Variants in CA10 observed in about 807,000 individuals in gnomAD.
The protein encoded by CA10 is carbonic anhydrase-related protein 10.
Under a neutral mutation model 44.2 loss-of-function variants are expected in CA10, and 14 were observed. The ratio of observed to expected loss-of-function variants is 0.32; its 90% confidence interval spans 0.21 to 0.50. CA10 has a LOEUF of 0.50. Among genes scored for constraint, CA10 ranks in the 20% least tolerant of loss-of-function variants. The pLI is 0.99. For missense variants in CA10, 350 were observed against 409.7 expected (o/e 0.85, Z 1.26); for synonymous variants, 159 against 141.6 (o/e 1.12, Z -0.87).
At chr17:52,014,052 CA>C (rs1174253501) in intron 2 of CA10, among the ~76,000 whole-genome samples, 1 of 151,696 alleles carries the variant, frequency 6.6e-6, no homozygotes, top group Non-Finnish European at 1.5e-5. Flanking sequence ...GAAGTATGAC[CA>C]AATATACCAG....
chr17:52,131,565 T>C (rs1434623094), intron 1 of CA10, among the ~76,000 whole-genome samples: 1 of 152,192 alleles, frequency 6.6e-6, no homozygotes, highest in Admixed American at 6.5e-5. Flanking sequence ...TTATAATTAA[T>C]AAAGAAGTCC....
intron 3 of CA10, among the ~76,000 whole-genome samples, chr17:51,759,344 T>C (rs1905156193): frequency 7.0e-6 from 1 of 142,882 alleles, no homozygotes; most frequent in Non-Finnish European, 1.5e-5. Flanking sequence ...TTGGGTTGAG[T>C]ACACTTCTTT....
intron 2 of CA10, among the ~76,000 whole-genome samples, chr17:52,048,953 T>A (rs1986986885): frequency 6.6e-6 from 1 of 151,400 alleles, no homozygotes; most frequent in African/African-American, 2.4e-5. Context: ...TAAAAAATGA[T>A]TGAAGAAAAT....
At chr17:52,146,826 G>T (rs189656729) in intron 1 of CA10, among the ~76,000 whole-genome samples, 4 of 152,080 alleles carry the variant, frequency 2.6e-5, no homozygotes, top group Non-Finnish European at 5.9e-5. Context: ...TCCCCATCTG[G>T]TGATGTTGAT....
rs74615550 is a variant in CA10 at position 52,147,418 on chromosome 17, T to C, written c.61+10308A>G. 7.1e-3 allele frequency among the ~76,000 whole-genome samples: 1,082 copies of C among 152,158 alleles called. 5 individuals carry two copies. The highest frequency in any genetic ancestry group is 0.025 in the African/African-American group (1,039 of 41,506). On this transcript the variant is annotated intron_variant, in intron 1 of 8. Coordinates refer to ENST00000451037, the MANE Select transcript of CA10 (RefSeq NM_020178.5). ...CATTCATGAAGTTGTTCAACTTGTC[T>C]TTGGATGTGGCACATTATATGCCTT... is the stretch of plus-strand genomic sequence containing the variant.
chr17:52,111,397 T>C (rs926792752), intron 1 of CA10, among the ~76,000 whole-genome samples: 3 of 152,336 alleles, frequency 2.0e-5, no homozygotes, highest in Admixed American at 6.5e-5. Context: ...TTTCCAAGCA[T>C]GTAAGTGACA....
intron 3 of CA10, among the ~76,000 whole-genome samples, chr17:51,810,328 G>A (rs1237633047): frequency 1.3e-5 from 2 of 152,194 alleles, no homozygotes. Flanking sequence ...AATATTTATT[G>A]AGTTAATTAA....
chr17:52,092,362 CA>C (rs1406686661), intron 1 of CA10, among the ~76,000 whole-genome samples: 1 of 152,080 alleles, frequency 6.6e-6, no homozygotes, highest in Non-Finnish European at 1.5e-5. Flanking sequence ...AAGAAAAAAC[CA>C]AAAACTTTTC....
chr17:51,965,451 A>T (rs963905276), intron 2 of CA10, among the ~76,000 whole-genome samples: 3 of 151,768 alleles, frequency 2.0e-5, no homozygotes, highest in African/African-American at 7.3e-5. Flanking sequence ...TAGACACAAA[A>T]ATCCTTAACA....
At chr17:51,766,161 C>G (rs935689912) in intron 3 of CA10, among the ~76,000 whole-genome samples, 1 of 152,158 alleles carries the variant, frequency 6.6e-6, no homozygotes, top group African/African-American at 2.4e-5. Flanking sequence ...AATGATATCT[C>G]TTTAAAAGGC....
intron 3 of CA10, among the ~76,000 whole-genome samples, chr17:51,867,332 A>C (rs1979595215): frequency 6.6e-6 from 1 of 152,214 alleles, no homozygotes; most frequent in African/African-American, 2.4e-5. Context: ...AAAAGTGCCT[A>C]AATAGAATTG....
At chr17:51,722,385 G>A (rs1916375685) in intron 4 of CA10, among the ~76,000 whole-genome samples, 1 of 152,114 alleles carries the variant, frequency 6.6e-6, no homozygotes, top group Non-Finnish European at 1.5e-5. Flanking sequence ...CAAATTTGTA[G>A]GTGTGTGTGA....
chr17:51,973,435 A>C (rs4794314), intron 2 of CA10, among the ~76,000 whole-genome samples: 56,493 of 152,102 alleles, frequency 0.37, 12,788 homozygotes, highest in East Asian at 0.8. Flanking sequence ...CGAGTCTCCT[A>C]GACTGTAGTG....
chr17:52,105,448 G>T (rs1383337749), intron 1 of CA10, among the ~76,000 whole-genome samples: 1 of 152,014 alleles, frequency 6.6e-6, no homozygotes, highest in Non-Finnish European at 1.5e-5. Context: ...GTAGAGAGGG[G>T]GTTTCACCGT....
chr17:51,864,379 C>T (rs185285805), intron 3 of CA10, among the ~76,000 whole-genome samples: 18 of 152,244 alleles, frequency 1.2e-4, no homozygotes, highest in African/African-American at 4.1e-4. Flanking sequence ...AAAGTCAAGA[C>T]AAGGCCATTG....
intron 3 of CA10, among the ~76,000 whole-genome samples, chr17:51,919,660 G>A (rs1340060787): frequency 6.7e-6 from 1 of 150,084 alleles, no homozygotes; most frequent in Non-Finnish European, 1.5e-5. Context: ...TTGATTGTTC[G>A]TTTGTTTTTG....
At chr17:52,104,542 C>T (rs1392570417) in intron 1 of CA10, among the ~76,000 whole-genome samples, 1 of 152,184 alleles carries the variant, frequency 6.6e-6, no homozygotes, top group African/African-American at 2.4e-5. Context: ...CAAACGAGGG[C>T]ACAAACAACA....
chr17:51,634,756 C>T (rs924723601), intron 7 of CA10, among the ~76,000 whole-genome samples: 3 of 152,194 alleles, frequency 2.0e-5, no homozygotes, highest in African/African-American at 7.2e-5. Context: ...TGAAGACTGA[C>T]ACATATATTA....
At chr17:51,837,950 C>T in intron 3 of CA10, among the ~76,000 whole-genome samples, 1 of 152,190 alleles carries the variant, frequency 6.6e-6, no homozygotes, top group East Asian at 1.9e-4. Flanking sequence ...CATTCTCAGA[C>T]TCTGAAATCC....
Sources: gnomAD v4.1 joint callset for allele counts (sites outside exome capture counted in the v4.1 genomes callset) on GRCh38, gnomAD v4.1.1 for gene constraint, MANE v1.5 for transcripts, NCBI Gene and HGNC (gene_info 2026-07-23, HGNC 2026-07-21) for gene names.